UBE2B: variants seen among roughly 807,000 people sequenced by gnomAD.
UBE2B encodes ubiquitin-conjugating enzyme E2 B.
Under a neutral mutation model 24.6 loss-of-function variants are expected in UBE2B, and 11 were observed. That is an observed-to-expected ratio of 0.45 (90% CI 0.28 to 0.74). The LOEUF is 0.74. Ranked by LOEUF, UBE2B falls within the 30% of genes least tolerant of loss-of-function variation. UBE2B has a pLI of 0.13. For missense variants in UBE2B, 78 were observed against 185.6 expected, an observed-to-expected ratio of 0.42 and a Z score of 3.37; for synonymous variants, 68 against 62.4, an observed-to-expected ratio of 1.09 and a Z score of -0.42.
At chr5:134,383,490 T>C (rs1286641947) in intron 4 of UBE2B, among the ~76,000 whole-genome samples, 8 of 143,296 alleles carry the variant, frequency 5.6e-5, no homozygotes, top group Admixed American at 5.5e-4. Context: ...TTTTTTTTTT[T>C]TTTTTTTTTT....
intron 2 of UBE2B, 120 bp from the exon 3 acceptor site, chr5:134,376,549 C>T (rs1758614180): frequency 9.3e-7 from 1 of 1,074,766 alleles, no homozygotes; most frequent in African/African-American, 1.6e-5. Context: ...TATCTTAAAA[C>T]TCCACAAATC....
Position 134,371,658 on chromosome 5 carries a change from G to T in UBE2B, c.44+19G>T, listed in dbSNP as rs757032180. 7 of 1,613,262 alleles carry T rather than the reference G, an allele frequency of 4.3e-6. No individual in the cohort carries two copies. The highest frequency in any genetic ancestry group is 1.7e-5 in the Admixed American group (1 of 60,002). On this transcript the variant is annotated intron_variant, in intron 1 of 5. Coordinates refer to ENST00000265339, the MANE Select transcript of UBE2B (RefSeq NM_003337.4). Reference sequence around the variant, plus strand: ...TCAAGCGGTAAGGGCCTTCACCTTCGCCTAGATGACGGCCCCTCAAAGCTG... The same window carrying T: ...TCAAGCGGTAAGGGCCTTCACCTTCTCCTAGATGACGGCCCCTCAAAGCTG...
At chr5:134,380,603 A>G (rs36007509) in intron 3 of UBE2B, 116 bp from the exon 4 acceptor site, 31 of 665,356 alleles carry the variant, frequency 4.7e-5, no homozygotes, top group African/African-American at 3.6e-4. Flanking sequence ...TGCCGAACCA[A>G]CGTTGACATA....
At chr5:134,389,551 CTTTTTTT>C (rs985767264) in intron 5 of UBE2B, among the ~76,000 whole-genome samples, 5 of 139,476 alleles carry the variant, frequency 3.6e-5, no homozygotes, top group South Asian at 2.2e-4. Context: ...TTTCTTTTTT[CTTTTTTT>C]TTTTTTTGAG....
intron 1 of UBE2B, among the ~76,000 whole-genome samples, chr5:134,372,829 G>A (rs1448321118): frequency 6.6e-6 from 1 of 152,194 alleles, no homozygotes; most frequent in Non-Finnish European, 1.5e-5. Flanking sequence ...AACTGCATAT[G>A]TATTTGTGTG....
intron 4 of UBE2B, among the ~76,000 whole-genome samples, chr5:134,386,092 C>T (rs1371266747): frequency 1.3e-5 from 2 of 151,300 alleles, no homozygotes; most frequent in Admixed American, 1.3e-4. Flanking sequence ...TTTGGGAGAC[C>T]GAGGTGGGCA....
Position 134,390,963 on chromosome 5 carries a change from G to C in UBE2B, c.*610G>C, listed in dbSNP as rs1239430578. The C allele has an allele frequency of 1.3e-5, 2 of 154,300 alleles. No homozygotes were observed. Among genetic ancestry groups the C allele is most frequent in the Admixed American group, 1.3e-4 (2 of 15,456 alleles). The allele number at this position is 154,300 out of a possible 1,614,324, so 9.6% of individuals were successfully genotyped here. A position where few individuals can be genotyped will look rare whatever the true frequency, so the allele number is the denominator to read the frequency against. ...CTTTATTTTGAATGTACCTCTATTA[G>C]TTTCAATTGAGTAATTCTAGACATA... On this transcript the variant is annotated 3_prime_UTR_variant, in exon 6 of 6. Coordinates refer to ENST00000265339, the MANE Select transcript of UBE2B (RefSeq NM_003337.4). This position sits in a 1 kb window ranked among gnomAD's most constrained non-coding sequence, Gnocchi z 4.6.
chr5:134,376,524 G>A, intron 2 of UBE2B, 145 bp from the exon 3 acceptor site: 1 of 751,638 alleles, frequency 1.3e-6, no homozygotes, highest in Admixed American at 2.3e-5. Flanking sequence ...CCAGGGCTAA[G>A]GTGTTACTAA....
intron 4 of UBE2B, among the ~76,000 whole-genome samples, chr5:134,381,666 G>A (rs1304065621): frequency 1.3e-5 from 2 of 152,082 alleles, no homozygotes; most frequent in East Asian, 1.9e-4. Context: ...ATACATGGTC[G>A]GGCATGGTGG....
intron 2 of UBE2B, among the ~76,000 whole-genome samples, chr5:134,375,055 C>A (rs928691484): frequency 6.6e-6 from 1 of 151,916 alleles, no homozygotes; most frequent in African/African-American, 2.4e-5. Flanking sequence ...AAATACTATT[C>A]AAAACTAAAT....
chr5:134,371,716 C>G, intron 1 of UBE2B, 77 bp downstream of exon 1: 2 of 1,597,032 alleles, frequency 1.3e-6, no homozygotes, highest in South Asian at 2.2e-5. Context: ...CAGACACCTT[C>G]CCCTTTGTGA....
intron 3 of UBE2B, 109 bp from the exon 4 acceptor site, chr5:134,380,610 C>T: frequency 2.9e-6 from 2 of 682,594 alleles, no homozygotes; most frequent in Non-Finnish European, 5.3e-6. Context: ...CCAACGTTGA[C>T]ATACTAACTT....
intron 4 of UBE2B, among the ~76,000 whole-genome samples, chr5:134,383,088 C>T (rs1029202154): frequency 6.6e-6 from 1 of 152,056 alleles, no homozygotes; most frequent in Non-Finnish European, 1.5e-5. Flanking sequence ...TTGCTTGAAC[C>T]CGGGAGGCGG....
At chr5:134,385,306 A>T (rs924405832) in intron 4 of UBE2B, among the ~76,000 whole-genome samples, 2 of 152,228 alleles carry the variant, frequency 1.3e-5, no homozygotes, top group African/African-American at 4.8e-5. Flanking sequence ...TACTGAGCAC[A>T]TGGATGGTAA....
chr5:134,372,158 C>G lies in UBE2B; in HGVS notation c.44+519C>G, dbSNP rs901912879. Among the ~76,000 whole-genome samples the G allele has an allele frequency of 2.0e-4, 30 of 152,290 alleles. No individual in the cohort carries two copies. The East Asian group carries it at 5.8e-3, about 29-fold the overall frequency. Reference sequence around the variant, plus strand: ...AGGGTGGGGTCCAGTGCGTGAGGCCCGGAGGTTAACCCATCCCCCGAAACC... The same window carrying G: ...AGGGTGGGGTCCAGTGCGTGAGGCCGGGAGGTTAACCCATCCCCCGAAACC... On this transcript the variant is annotated intron_variant, in intron 1 of 5. Coordinates refer to ENST00000265339, the MANE Select transcript of UBE2B (RefSeq NM_003337.4).
rs765391572 is a variant in UBE2B at position 134,385,073 on chromosome 5, T to G, written c.242-3252T>G. Among the ~76,000 whole-genome samples the G allele has an allele frequency of 5.9e-5, 9 of 152,386 alleles. No homozygotes were observed. The South Asian group carries it at 1.0e-3, about 18-fold the overall frequency. On this transcript the variant is annotated intron_variant, in intron 4 of 5. Transcript: ENST00000265339. ...TGAATAATATTCCACTGTATGGATA[T>G]TCTGTATTTTGTTCATTAGTTGATA...
At chr5:134,376,338 A>ATATATATATATATATATATATAT (rs1276778610) in intron 2 of UBE2B, among the ~76,000 whole-genome samples, 3 of 4,372 alleles carry the variant, frequency 6.9e-4, no homozygotes, top group East Asian at 4.7e-3. Context: ...AAAAAAAAAA[A>ATATATATATATATATATATATAT]AAAAAAAAAA....
intron 4 of UBE2B, among the ~76,000 whole-genome samples, chr5:134,387,593 G>A (rs994524814): frequency 2.6e-5 from 4 of 152,070 alleles, no homozygotes; most frequent in East Asian, 1.9e-4. Context: ...AGAGCATGGC[G>A]CCAGCACCTA....
At chr5:134,385,920 G>A (rs1024944062) in intron 4 of UBE2B, among the ~76,000 whole-genome samples, 3 of 152,108 alleles carry the variant, frequency 2.0e-5, no homozygotes, top group African/African-American at 7.2e-5. Context: ...GGCTGAGGCA[G>A]GAGAATTGCT....
Sources: gnomAD v4.1 joint callset for allele counts (sites outside exome capture counted in the v4.1 genomes callset) on GRCh38, gnomAD v4.1.1 for gene constraint, Gnocchi (gnomAD v3.1) non-coding constraint, MANE v1.5 for transcripts, NCBI Gene and HGNC (gene_info 2026-07-23, HGNC 2026-07-21) for gene names.